The following CENPM variants were observed in gnomAD, a reference collection of about 807,000 sequenced individuals.
CENPM encodes centromere protein M.
Under a neutral mutation model 19.6 loss-of-function variants are expected in CENPM, and 14 were observed. The observed-to-expected ratio is 0.71, with a 90% CI of 0.47 to 1.11. The LOEUF (loss-of-function observed/expected upper bound fraction) is 1.11. Ranked by LOEUF, CENPM falls within the 50% of genes most tolerant of loss-of-function variation. The pLI is 0.00. For missense variants in CENPM, 239 were observed against 228.4 expected (o/e 1.05, Z -0.30); for synonymous variants, 114 against 101.5 (o/e 1.12, Z -0.74).
the CENPM span, among the ~76,000 whole-genome samples, chr22:41,930,838 CTTTT>C: frequency 8.2e-6 from 1 of 122,510 alleles, no homozygotes. Context: ...TTATTCAAGT[CTTTT>C]TTTTTTTTTT....
At chr22:41,946,942 A>T in intron 1 of CENPM, 78 bp downstream of exon 1, 1 of 1,452,286 alleles carries the variant, frequency 6.9e-7, no homozygotes, top group East Asian at 2.3e-5. Flanking sequence ...GGCGCCTCAG[A>T]GAGCTCAGTT....
Position 41,946,448 on chromosome 22 carries a change from G to C in CENPM, c.106C>G (p.Leu36Val). The C allele has an allele frequency of 6.2e-7, 1 of 1,613,050 alleles. No homozygotes were observed. The highest frequency in any genetic ancestry group is 8.5e-7 in the Non-Finnish European group (1 of 1,179,968). ...ALLQQLADSM[L>V]KEDCASELKV... ...AGCTCGGAGGCGCAGTCCTCTTTGA[G>C]CATCGAGTCCGCCAGCTGCTGCAGA... The change falls in exon 2 of 6, where the codon CTC (leucine) becomes GTC (valine). Residue 36 changes from leucine to valine, a missense_variant. Physicochemically the swap from Leu to Val is conservative, Grantham distance 32. Coordinates refer to ENST00000215980, the MANE Select transcript of CENPM (RefSeq NM_024053.5).
rs201601421 is a variant in CENPM at position 41,945,975 on chromosome 22, G to A, written c.168C>T (p.Ser56=). ...GGTCAATTCGGGGCCGATTCACACTGGAGGGCAAAGGGAGGGACTTTGCCA... is the reference window on the plus strand; with the variant it reads ...GGTCAATTCGGGGCCGATTCACACTAGAGGGCAAAGGGAGGGACTTTGCCA... ...VHLAKSLPLP[S]SVNRPRIDLI... Residue 56 remains serine (S), a synonymous_variant, in exon 3 of 6, where the codon TCC becomes TCT. Transcript: ENST00000215980. 6.2e-6 allele frequency: 10 copies of A among 1,613,942 alleles called. No homozygotes were observed. In the African/African-American group the frequency reaches 9.3e-5, roughly 15 times the overall value.
chr22:41,939,816 GAA>G (rs1204280518), intron 5 of CENPM, among the ~76,000 whole-genome samples: 5 of 82,030 alleles, frequency 6.1e-5, no homozygotes, highest in Middle Eastern at 5.1e-3. Context: ...GAAAAAGAAA[GAA>G]AAAGAAAGAA....
At chr22:41,939,221 G>C (rs781341914) in intron 5 of CENPM, 25 bp from the exon 6 acceptor site, 1 of 1,596,210 alleles carries the variant, frequency 6.3e-7, no homozygotes, top group Admixed American at 1.7e-5. Context: ...GAGAACAGCA[G>C]TGAGATAGAA....
the CENPM span, among the ~76,000 whole-genome samples, chr22:41,933,467 G>A: frequency 1.3e-5 from 2 of 152,092 alleles, 1 homozygote; most frequent in East Asian, 3.9e-4. Context: ...CAGCTCGCAG[G>A]GGCCCCAAGT....
At chr22:41,937,687 AT>A (rs2077689601), downstream of CENPM, among the ~76,000 whole-genome samples, 1 of 152,184 alleles carries the variant, frequency 6.6e-6, no homozygotes, top group Non-Finnish European at 1.5e-5. Flanking sequence ...CCATCGTCTC[AT>A]TCAATCCTCC....
At chr22:41,928,116 TG>T in the CENPM span, 2 of 377,438 alleles carry the variant, frequency 5.3e-6, no homozygotes, top group South Asian at 2.1e-5. The surrounding 1 kb of genome is among the most constrained non-coding windows in gnomAD (Gnocchi z 4.0). Context: ...GGACTGTGGC[TG>T]GGGGACACGA....
At chr22:41,938,058 G>A (rs2077691642), downstream of CENPM, among the ~76,000 whole-genome samples, 1 of 151,628 alleles carries the variant, frequency 6.6e-6, no homozygotes, top group African/African-American at 2.4e-5. Context: ...TAGCCAGGAT[G>A]GTCTCGATCT....
At chr22:41,933,927 G>C (rs1040155534), downstream of CENPM, among the ~76,000 whole-genome samples, 2 of 152,232 alleles carry the variant, frequency 1.3e-5, no homozygotes, top group African/African-American at 4.8e-5. Context: ...CCGAGCCACT[G>C]TCTGTAGAGG....
At chr22:41,929,943 T>C in the CENPM span, among the ~76,000 whole-genome samples, 1 of 137,606 alleles carries the variant, frequency 7.3e-6, no homozygotes, top group African/African-American at 2.8e-5. Flanking sequence ...GGCTTTTTTT[T>C]TTTTTTTTTT....
At chr22:41,946,547 G>A (rs1305937429) in intron 1 of CENPM, 51 bp from the exon 2 acceptor site, 1 of 1,514,408 alleles carries the variant, frequency 6.6e-7, no homozygotes, top group African/African-American at 1.4e-5. Context: ...AGCACCCCCT[G>A]GGGAGGGCCT....
At chr22:41,941,293 C>A in intron 5 of CENPM, among the ~76,000 whole-genome samples, 1 of 152,208 alleles carries the variant, frequency 6.6e-6, no homozygotes, top group East Asian at 1.9e-4. Flanking sequence ...ACAACACCAG[C>A]ATGAAGAAGG....
At chr22:41,944,558 G>A (rs931022505) in intron 4 of CENPM, 64 of 666,206 alleles carry the variant, frequency 9.6e-5, no homozygotes, top group Non-Finnish European at 1.2e-4. Context: ...TAAAACAGAG[G>A]TAATAACACC....
chr22:41,944,802 T>G, intron 4 of CENPM: 4 of 1,011,972 alleles, frequency 4.0e-6, no homozygotes, highest in Non-Finnish European at 4.7e-6. Flanking sequence ...AGTTTGGATT[T>G]TACCGAAAGC....
Position 41,943,641 on chromosome 22 carries a change from T to A in CENPM, c.371A>T (p.Tyr124Phe). 1 of 1,613,878 alleles carries A rather than the reference T, an allele frequency of 6.2e-7. No homozygotes were observed. Among genetic ancestry groups the A allele is most frequent in the Admixed American group, 1.7e-5 (1 of 60,018 alleles). ...GTCACAGTAGAGCAGGGGGCTTTGA[T>A]AGGTGTGGGCCAGCTTCACCACGGT... ...RHTVVKLAHT[Y>F]QSPLLYCDLE... Residue 124 changes from tyrosine (Y) to phenylalanine (F), a missense_variant, in exon 5 of 6, where the codon TAT becomes TTT. Transcript: ENST00000215980.
chr22:41,927,741 C>T, the CENPM span, among the ~76,000 whole-genome samples: 1 of 152,066 alleles, frequency 6.6e-6, no homozygotes, highest in Non-Finnish European at 1.5e-5. Flanking sequence ...TCAGGTGATC[C>T]GCCCTCCTCG....
chr22:41,944,169 T>C, intron 4 of CENPM: 1 of 984,894 alleles, frequency 1.0e-6, no homozygotes, highest in East Asian at 1.1e-4. Flanking sequence ...GACGGCCGGG[T>C]GCGGTGGCTC....
At chr22:41,943,505 G>A (rs1208946385) in intron 5 of CENPM, 105 bp downstream of exon 5, 12 of 959,398 alleles carry the variant, frequency 1.3e-5, no homozygotes, top group Admixed American at 2.4e-5. Context: ...TGCCTCGCTC[G>A]GATACTAAGT....
Sources: allele counts gnomAD v4.1 joint callset (sites outside exome capture counted in the v4.1 genomes callset), GRCh38; gene constraint gnomAD v4.1.1; non-coding constraint Gnocchi (gnomAD v3.1); transcripts MANE v1.5; gene names NCBI Gene and HGNC (gene_info 2026-07-23, HGNC 2026-07-21).